Variants in CDH18 observed in about 807,000 individuals in gnomAD.
CDH18 encodes cadherin 18, also known as cadherin-18.
CDH18 carries 31 observed loss-of-function variants against 67.9 expected under a neutral mutation model. That is an observed-to-expected ratio of 0.46 (90% confidence interval 0.34 to 0.62). The LOEUF (loss-of-function observed/expected upper bound fraction) is 0.62, where lower values mean the gene tolerates loss of function less well. CDH18 is among the 20% of genes least tolerant of loss of function. CDH18 has a pLI of 0.01. For synonymous variants in CDH18, 362 were observed against 347.2 expected (o/e 1.04, Z -0.48); for missense variants, 890 against 975.5 (o/e 0.91, Z 1.17).
At chr5:20,247,852 A>G (rs1743505725) in intron 2 of CDH18, among the ~76,000 whole-genome samples, 1 of 152,136 alleles carries the variant, frequency 6.6e-6, no homozygotes, top group Admixed American at 6.6e-5. Flanking sequence ...AATAATAGAT[A>G]GTAGCTAAAT....
intron 1 of CDH18, among the ~76,000 whole-genome samples, chr5:20,265,941 TC>T (rs1311352717): frequency 6.6e-6 from 1 of 152,160 alleles, no homozygotes; most frequent in African/African-American, 2.4e-5. Context: ...CATCACCAAA[TC>T]TACTGAAGAT....
Position 20,353,057 on chromosome 5 carries a change from A to AT in CDH18, c.-579-97553dup, listed in dbSNP as rs200665418. 3.0e-4 allele frequency among the ~76,000 whole-genome samples: 46 copies of AT among 151,918 alleles called. No individual in the cohort carries two copies. In the East Asian group the frequency reaches 7.7e-3, roughly 26 times the overall value. On this transcript the variant is annotated intron_variant, in intron 1 of 14. Transcript: ENST00000507958. The stretch of plus-strand genomic sequence containing the variant: ...TGAAAATGGTTTTTCTTTTTAATTC[A>AT]TTTTTTTTCCCTAATCATTGAAAGA...
intron 10 of CDH18, among the ~76,000 whole-genome samples, chr5:19,515,744 T>C (rs954509799): frequency 1.2e-4 from 18 of 152,156 alleles, no homozygotes; most frequent in African/African-American, 4.3e-4. Context: ...CTTAAGAAGA[T>C]TTTGGGCTGA....
chr5:20,304,724 T>C, intron 1 of CDH18: 52 of 1,611,508 alleles, frequency 3.2e-5, no homozygotes, highest in Non-Finnish European at 4.2e-5. Context: ...GTATCTTCAG[T>C]TTTGTTGCCA....
chr5:19,766,860 GC>G (rs1309871975), intron 3 of CDH18, among the ~76,000 whole-genome samples: 1 of 152,018 alleles, frequency 6.6e-6, no homozygotes, highest in Non-Finnish European at 1.5e-5. Flanking sequence ...CCATTCTGAT[GC>G]CAAAGAATGC....
intron 2 of CDH18, among the ~76,000 whole-genome samples, chr5:19,847,669 T>C (rs1428193914): frequency 6.6e-6 from 1 of 152,080 alleles, no homozygotes; most frequent in Non-Finnish European, 1.5e-5. Context: ...TGTGTTGGTA[T>C]CTGCGTATTT....
intron 1 of CDH18, chr5:20,304,524 T>C: frequency 6.2e-7 from 1 of 1,608,842 alleles, no homozygotes; most frequent in Non-Finnish European, 8.5e-7. Context: ...ACTGGTTTAC[T>C]CTGGTAATAT....
chr5:20,536,774 G>A (rs1181268058), intron 1 of CDH18, among the ~76,000 whole-genome samples: 1 of 152,146 alleles, frequency 6.6e-6, no homozygotes, highest in Non-Finnish European at 1.5e-5. Flanking sequence ...CCAAGGAGGA[G>A]GCTCTAGCTT....
intron 2 of CDH18, among the ~76,000 whole-genome samples, chr5:20,243,643 C>A (rs1580566573): frequency 1.3e-5 from 2 of 151,956 alleles, no homozygotes; most frequent in East Asian, 3.9e-4. Context: ...AAAAAAGAGT[C>A]CTAGCCACCC....
At chr5:19,604,577 A>ACACACACACAC in intron 6 of CDH18, among the ~76,000 whole-genome samples, 1 of 143,008 alleles carries the variant, frequency 7.0e-6, no homozygotes, top group Admixed American at 7.1e-5. Context: ...ACACACACAC[A>ACACACACACAC]AAGTATTCTG....
Position 20,503,972 on chromosome 5 carries a change from A to G in CDH18, c.-580+71490T>C, listed in dbSNP as rs889045487. Among the ~76,000 whole-genome samples, 26 of 151,424 alleles carry G rather than the reference A, an allele frequency of 1.7e-4. 1 individual carries two copies. The highest frequency in any genetic ancestry group is 6.1e-4 in the African/African-American group (25 of 41,252). On this transcript the variant is annotated intron_variant, in intron 1 of 14. Transcript: ENST00000507958. Reference sequence around the variant, plus strand: ...AGAATCGCTTGAACCCGAGAGGCGGAGGTTGCAGTGAGCCCAGATCACGCC... The same window carrying G: ...AGAATCGCTTGAACCCGAGAGGCGGGGGTTGCAGTGAGCCCAGATCACGCC...
chr5:19,502,035 C>T, intron 11 of CDH18, among the ~76,000 whole-genome samples: 1 of 152,084 alleles, frequency 6.6e-6, no homozygotes, highest in South Asian at 2.1e-4. Context: ...GATCTTTTGG[C>T]TTTGTGCGCA....
At chr5:19,521,666 T>C (rs1258746557) in intron 9 of CDH18, among the ~76,000 whole-genome samples, 1 of 150,894 alleles carries the variant, frequency 6.6e-6, no homozygotes, top group Non-Finnish European at 1.5e-5. Flanking sequence ...AGAGAAGTTA[T>C]TCATGATAGT....
chr5:20,540,192 T>C (rs1462471733), intron 1 of CDH18, among the ~76,000 whole-genome samples: 2 of 152,190 alleles, frequency 1.3e-5, no homozygotes, highest in Non-Finnish European at 2.9e-5. Flanking sequence ...TTGTGTCTTC[T>C]AGCAATACAG....
At chr5:19,724,806 T>C (rs1766585778) in intron 4 of CDH18, among the ~76,000 whole-genome samples, 1 of 152,198 alleles carries the variant, frequency 6.6e-6, no homozygotes, top group Non-Finnish European at 1.5e-5. Context: ...TTTCTCAATA[T>C]ACCGCTAACC....
At chr5:19,614,076 C>T (rs904767068) in intron 5 of CDH18, among the ~76,000 whole-genome samples, 1 of 151,942 alleles carries the variant, frequency 6.6e-6, no homozygotes, top group African/African-American at 2.4e-5. Context: ...TTACCAAATA[C>T]TTTTACAGAC....
chr5:20,045,120 C>T (rs1339850545), intron 2 of CDH18, among the ~76,000 whole-genome samples: 4 of 152,092 alleles, frequency 2.6e-5, no homozygotes, highest in African/African-American at 9.7e-5. Flanking sequence ...TGTTTTTGTT[C>T]TCTGTTCGGT....
intron 9 of CDH18, among the ~76,000 whole-genome samples, chr5:19,540,849 T>C (rs1169910797): frequency 2.0e-5 from 3 of 152,164 alleles, no homozygotes; most frequent in Non-Finnish European, 2.9e-5. Context: ...GGGTCAGCTG[T>C]GAAGGTCTCT....
intron 3 of CDH18, among the ~76,000 whole-genome samples, chr5:19,808,914 A>G (rs1016219878): frequency 6.6e-6 from 1 of 151,788 alleles, no homozygotes; most frequent in African/African-American, 2.4e-5. Context: ...TTTTTGGAAT[A>G]TATATTTCTA....
Sources: gnomAD v4.1 joint callset for allele counts (sites outside exome capture counted in the v4.1 genomes callset) on GRCh38, gnomAD v4.1.1 for gene constraint, MANE v1.5 for transcripts, NCBI Gene and HGNC (gene_info 2026-07-23, HGNC 2026-07-21) for gene names.